WDPCP: variants seen among roughly 807,000 people sequenced by gnomAD.
WDPCP encodes the protein WD repeat-containing and planar cell polarity effector protein fritz homolog.
In WDPCP, 71 loss-of-function variants were observed where a neutral mutation model predicts 93.1. The ratio of observed to expected loss-of-function variants is 0.76; its 90% confidence interval spans 0.63 to 0.93. WDPCP has a LOEUF of 0.93. Ranked by LOEUF, WDPCP falls within the 40% of genes least tolerant of loss-of-function variation. The pLI is 0.00. For missense variants in WDPCP, 844 were observed against 887.4 expected (o/e 0.95, Z 0.62); for synonymous variants, 315 against 315.0 (o/e 1.00, Z 0.00).
chr2:63,537,397 G>A (rs1445276886), intron 1 of WDPCP, among the ~76,000 whole-genome samples: 1 of 152,052 alleles, frequency 6.6e-6, no homozygotes, highest in Non-Finnish European at 1.5e-5. Context: ...TGTTGCCAGG[G>A]CAATTTTTCC....
At chr2:63,772,086 T>C (rs777796722) in intron 2 of WDPCP, among the ~76,000 whole-genome samples, 8 of 152,204 alleles carry the variant, frequency 5.3e-5, no homozygotes, top group East Asian at 1.9e-4. Context: ...CTGGGTCGAA[T>C]TGCAGTTCTA....
At chr2:63,313,148 T>A in intron 13 of WDPCP, 100 bp downstream of exon 13, 1 of 1,128,748 alleles carries the variant, frequency 8.9e-7, no homozygotes, top group Non-Finnish European at 1.3e-6. Context: ...CCACCCTGTG[T>A]CTAAGGCTGC....
intron 12 of WDPCP, among the ~76,000 whole-genome samples, chr2:63,330,074 T>A (rs1437457273): frequency 1.3e-5 from 2 of 152,226 alleles, no homozygotes. Flanking sequence ...CTCTTCAAGA[T>A]ACTGATTTCA....
At chr2:63,124,271 T>C (rs1484299490) in intron 17 of WDPCP, among the ~76,000 whole-genome samples, 2 of 152,046 alleles carry the variant, frequency 1.3e-5, no homozygotes. Flanking sequence ...TAATAGGAAG[T>C]TGTGGTTCCA....
chr2:63,762,749 G>A (rs1575767120), intron 2 of WDPCP, among the ~76,000 whole-genome samples: 1 of 152,166 alleles, frequency 6.6e-6, no homozygotes, highest in Non-Finnish European at 1.5e-5. Flanking sequence ...ATTAATCCAT[G>A]AATAAATTAA....
At chr2:63,644,927 T>C (rs1429762413) in intron 3 of WDPCP, among the ~76,000 whole-genome samples, 1 of 152,194 alleles carries the variant, frequency 6.6e-6, no homozygotes, top group African/African-American at 2.4e-5. Flanking sequence ...GGTTTATCCA[T>C]TTTGTTTATC....
chr2:63,460,121 G>T (rs892937652), intron 6 of WDPCP, among the ~76,000 whole-genome samples: 2 of 152,154 alleles, frequency 1.3e-5, no homozygotes, highest in Non-Finnish European at 2.9e-5. Context: ...AGAAAATGTG[G>T]TGTATATAAC....
chr2:63,710,445 A>G (rs1225191057), intron 2 of WDPCP, among the ~76,000 whole-genome samples: 2 of 152,140 alleles, frequency 1.3e-5, no homozygotes, highest in Non-Finnish European at 1.5e-5. Context: ...ACTATATGCT[A>G]TTGCTGATTT....
chr2:63,297,053 C>A (rs1575084477), intron 13 of WDPCP, among the ~76,000 whole-genome samples: 2 of 152,136 alleles, frequency 1.3e-5, no homozygotes, highest in African/African-American at 4.8e-5. Context: ...TGGATGCCTA[C>A]TGACTCCAAT....
chr2:63,473,854 A>G (rs529766084), intron 6 of WDPCP, among the ~76,000 whole-genome samples: 3 of 152,272 alleles, frequency 2.0e-5, no homozygotes, highest in African/African-American at 7.2e-5. Flanking sequence ...TTTTTATTTG[A>G]ATATTTTTTC....
chr2:63,770,015 AC>A (rs1670201983), intron 2 of WDPCP, among the ~76,000 whole-genome samples: 1 of 151,974 alleles, frequency 6.6e-6, no homozygotes, highest in African/African-American at 2.4e-5. Flanking sequence ...ATGAGTCTGA[AC>A]AAATTTCAAA....
intron 9 of WDPCP, among the ~76,000 whole-genome samples, chr2:63,429,339 G>A (rs935363596): frequency 1.3e-5 from 2 of 151,950 alleles, no homozygotes; most frequent in African/African-American, 4.8e-5. Context: ...CACAAATTAA[G>A]AGGGGCCTAA....
At chr2:63,567,969 G>A (rs2106452491) in intron 1 of WDPCP, among the ~76,000 whole-genome samples, 1 of 152,280 alleles carries the variant, frequency 6.6e-6, no homozygotes, top group Non-Finnish European at 1.5e-5. Context: ...GAGGAGTACT[G>A]AATTTAAGTG....
rs868050402 is a variant in WDPCP, at chr2:63,463,697, C to A, written c.384+20907G>T. On this transcript the variant is annotated intron_variant, in intron 6 of 17. Coordinates refer to ENST00000272321, the MANE Select transcript of WDPCP (RefSeq NM_015910.7). ...AGGAATAAATCCTCACATAAATGGT[C>A]AAATGATCTTCCACAAGGGTGCCAA... is the stretch of plus-strand genomic sequence containing the variant. Among the ~76,000 whole-genome samples the A allele has an allele frequency of 2.0e-5, 3 of 152,124 alleles. No homozygotes were observed. In the South Asian group the frequency reaches 6.2e-4, roughly 32 times the overall value.
chr2:63,653,396 T>C (rs1710130371), intron 2 of WDPCP, among the ~76,000 whole-genome samples: 1 of 152,120 alleles, frequency 6.6e-6, no homozygotes, highest in Non-Finnish European at 1.5e-5. Context: ...GAGAATTCGG[T>C]AGACACCCCA....
Position 63,336,815 on chromosome 2 carries a change from A to AT in WDPCP, c.1749-23505dup, listed in dbSNP as rs1012197866. ...TGCTAATAAATATATTTATATATAT[A>AT]TTTTTCCCCTTTTATCCTCCATCTT... On this transcript the variant is annotated intron_variant, in intron 12 of 17. Transcript: ENST00000272321. Among the ~76,000 whole-genome samples the AT allele has an allele frequency of 5.7e-4, 85 of 149,596 alleles. 2 individuals are homozygous for AT. The highest frequency in any genetic ancestry group is 3.4e-3 in the Middle Eastern group (1 of 290).
At position 63,536,773 on chromosome 2, in the gene WDPCP, C is replaced by CTTTTT. The variant is rs58661370; in HGVS notation, c.76-43838_76-43834dup. On this transcript the variant is annotated intron_variant, in intron 1 of 17. Transcript: ENST00000272321. ...TGGTAAAAATCTCAGATTCTTCATG[C>CTTTTT]TTTTTTTTTTTTTTTTGATGGAATC... Among the ~76,000 whole-genome samples the CTTTTT allele has an allele frequency of 3.2e-5, 3 of 93,634 alleles. 1 individual carries two copies. The highest frequency in any genetic ancestry group is 9.0e-5 in the African/African-American group (2 of 22,126). 61.4% of individuals were successfully genotyped at this position (93,634 alleles called of 152,430 possible).
chr2:63,539,060 C>T (rs1485457883), intron 1 of WDPCP, among the ~76,000 whole-genome samples: 4 of 152,034 alleles, frequency 2.6e-5, no homozygotes, highest in Non-Finnish European at 4.4e-5. Flanking sequence ...CTTTAACATA[C>T]CATTAAAGAA....
intron 6 of WDPCP, among the ~76,000 whole-genome samples, chr2:63,474,691 A>T (rs537465010): frequency 3.3e-5 from 5 of 152,268 alleles, no homozygotes; most frequent in African/African-American, 1.2e-4. Flanking sequence ...GGCAGATTCA[A>T]CAATATTGGT....
Sources: gnomAD v4.1 joint callset for allele counts (sites outside exome capture counted in the v4.1 genomes callset) on GRCh38, gnomAD v4.1.1 for gene constraint, MANE v1.5 for transcripts, NCBI Gene and HGNC (gene_info 2026-07-23, HGNC 2026-07-21) for gene names.